The following TMEM132B variants were observed in gnomAD, a reference collection of about 807,000 sequenced individuals.
TMEM132B encodes transmembrane protein 132B.
Under a neutral mutation model 90.8 loss-of-function variants are expected in TMEM132B, and 18 were observed. The ratio of observed to expected loss-of-function variants is 0.20; its 90% CI spans 0.14 to 0.29. TMEM132B has a LOEUF of 0.29. Ranked by LOEUF, TMEM132B falls within the 10% of genes least tolerant of loss-of-function variation. TMEM132B has a pLI of 1.00. For synonymous variants in TMEM132B, 504 were observed against 523.3 expected (o/e 0.96, Z 0.50); for missense variants, 1,096 against 1,326.8 (o/e 0.83, Z 2.70).
At chr12:125,270,031 A>G (rs1052552528) in intron 1 of TMEM132B, among the ~76,000 whole-genome samples, 1 of 143,098 alleles carries the variant, frequency 7.0e-6, no homozygotes, top group African/African-American at 2.6e-5. Context: ...CCTGTCTCTT[A>G]AAAAAAAAAA....
chr12:125,308,172 TTA>T (rs995052716), intron 1 of TMEM132B, among the ~76,000 whole-genome samples: 113 of 136,790 alleles, frequency 8.3e-4, no homozygotes, highest in Middle Eastern at 8.1e-3. Context: ...ATATATATAG[TTA>T]TATATATGTG....
intron 1 of TMEM132B, among the ~76,000 whole-genome samples, chr12:125,307,961 ATT>A (rs1419143042): frequency 1.5e-5 from 2 of 135,732 alleles, no homozygotes; most frequent in South Asian, 4.5e-4. Flanking sequence ...GTATATATAT[ATT>A]AAGTAATATA....
At chr12:125,468,865 A>G (rs1418156433) in intron 3 of TMEM132B, among the ~76,000 whole-genome samples, 2 of 152,156 alleles carry the variant, frequency 1.3e-5, no homozygotes, top group Non-Finnish European at 2.9e-5. Flanking sequence ...TCTATTGTAA[A>G]TGGGATTGTT....
intron 1 of TMEM132B, among the ~76,000 whole-genome samples, chr12:125,295,500 C>CTGTGTG (rs149003076): frequency 1.2e-4 from 17 of 143,524 alleles, no homozygotes; most frequent in African/African-American, 3.2e-4. Flanking sequence ...TCCATGAAAC[C>CTGTGTG]TGTGTGTGTG....
intron 4 of TMEM132B, among the ~76,000 whole-genome samples, chr12:125,567,287 G>T (rs148845570): frequency 5.3e-5 from 8 of 151,912 alleles, no homozygotes; most frequent in Non-Finnish European, 1.2e-4. Flanking sequence ...TCTCTCTCTC[G>T]CTGTCATTCT....
At chr12:125,337,692 TC>T (rs1159339470) in intron 1 of TMEM132B, among the ~76,000 whole-genome samples, 1 of 152,178 alleles carries the variant, frequency 6.6e-6, no homozygotes, top group Non-Finnish European at 1.5e-5. Context: ...AAGGGTGTTC[TC>T]CCCTCATCCA....
chr12:125,506,121 T>C (rs1288957803), intron 3 of TMEM132B, among the ~76,000 whole-genome samples: 1 of 152,216 alleles, frequency 6.6e-6, no homozygotes, highest in Non-Finnish European at 1.5e-5. Flanking sequence ...AGAACTCAAG[T>C]GTGCATTAAC....
intron 1 of TMEM132B, among the ~76,000 whole-genome samples, chr12:125,226,233 G>A (rs58387947): frequency 6.6e-6 from 1 of 152,278 alleles, no homozygotes; most frequent in East Asian, 1.9e-4. Flanking sequence ...TTGTGACAGA[G>A]CAAATAAAGG....
At chr12:125,486,322 C>G (rs1183271908) in intron 3 of TMEM132B, among the ~76,000 whole-genome samples, 1 of 152,060 alleles carries the variant, frequency 6.6e-6, no homozygotes, top group Non-Finnish European at 1.5e-5. Flanking sequence ...TTGTTAGTGC[C>G]TTATTACATG....
chr12:125,558,761 A>G (rs967987934), intron 4 of TMEM132B, among the ~76,000 whole-genome samples: 4 of 152,198 alleles, frequency 2.6e-5, no homozygotes, highest in Admixed American at 6.5e-5. Flanking sequence ...TGATGTATTA[A>G]TTAAGCTATC....
intron 2 of TMEM132B, among the ~76,000 whole-genome samples, chr12:125,388,288 G>A (rs1878905190): frequency 6.6e-6 from 1 of 152,086 alleles, no homozygotes; most frequent in Non-Finnish European, 1.5e-5. Flanking sequence ...AAGTAGCTGG[G>A]CGTGGTGGTG....
chr12:125,468,672 G>T (rs1881634113), intron 3 of TMEM132B, among the ~76,000 whole-genome samples: 1 of 152,166 alleles, frequency 6.6e-6, no homozygotes, highest in South Asian at 2.1e-4. Context: ...TTTTGAACTT[G>T]TAGATTGTTT....
At chr12:125,577,074 T>C (rs902974880) in intron 4 of TMEM132B, among the ~76,000 whole-genome samples, 1 of 151,954 alleles carries the variant, frequency 6.6e-6, no homozygotes, top group Non-Finnish European at 1.5e-5. Flanking sequence ...TACTCTTTCT[T>C]CAATCTTTTG....
chr12:125,654,529 C>T lies in TMEM132B; in HGVS notation c.3071C>T (p.Pro1024Leu). Residue 1024 changes from proline (P) to leucine (L), a missense_variant, in exon 9 of 9, where the codon CCA (proline) becomes CTA (leucine). By Grantham distance (98) the Pro-to-Leu change is moderately conservative. Transcript: ENST00000682704. The surrounding 1 kb of genome is among the most constrained non-coding windows in gnomAD (Gnocchi z 5.8). ...IKNEPMNSSGPKRKRVKFTSY... is the reference protein window; with the variant it reads ...IKNEPMNSSGLKRKRVKFTSY... ...AATGAACCTATGAATTCTTCGGGCC[C>T]AAAGAGGAAGAGAGTCAAGTTCACT... 1 of 1,614,068 alleles carries T rather than the reference C, an allele frequency of 6.2e-7. No homozygotes were observed. Among genetic ancestry groups the T allele is most frequent in the Non-Finnish European group, 8.5e-7 (1 of 1,180,026 alleles).
chr12:125,274,880 G>C (rs754792242), intron 1 of TMEM132B, among the ~76,000 whole-genome samples: 1 of 152,048 alleles, frequency 6.6e-6, no homozygotes, highest in Non-Finnish European at 1.5e-5. Context: ...CTATGATGAC[G>C]CTACTGCATT....
rs532172866 is a variant in TMEM132B at position 125,284,625 on chromosome 12, A to G, written c.68-64827A>G. On this transcript the variant is annotated intron_variant, in intron 1 of 8. Coordinates refer to ENST00000682704, the MANE Select transcript of TMEM132B (RefSeq NM_001366854.1). ...TTTCATTTCATCACGTGGATATACC[A>G]TAGTTTCTTTTGCCAGTATCTGGTG... Among the ~76,000 whole-genome samples, 99 of 152,298 alleles carry G rather than the reference A, an allele frequency of 6.5e-4. No individual in the cohort carries two copies. The Middle Eastern group carries it at 0.014, about 21-fold the overall frequency.
intron 3 of TMEM132B, among the ~76,000 whole-genome samples, chr12:125,470,931 C>A (rs1881701018): frequency 1.3e-5 from 2 of 152,248 alleles, no homozygotes; most frequent in Admixed American, 1.3e-4. Context: ...GGGAGAAAGA[C>A]CCCCTTGGCC....
intron 5 of TMEM132B, among the ~76,000 whole-genome samples, chr12:125,630,931 A>G (rs1886355651): frequency 6.6e-6 from 1 of 152,038 alleles, no homozygotes. Flanking sequence ...CATTCTTAGA[A>G]AAAAACAACT....
rs1191305915 is a variant in TMEM132B at position 125,660,585 on chromosome 12, G to A, written c.*5875G>A. ...AAAAGCGCAGAAACATTTTCATCTG[G>A]GTTACTGTGTTTATAGACTATTCTA... On this transcript the variant is annotated 3_prime_UTR_variant, in exon 9 of 9. Coordinates refer to ENST00000682704, the MANE Select transcript of TMEM132B (RefSeq NM_001366854.1). The A allele has an allele frequency of 1.3e-5, 2 of 151,982 alleles. No individual in the cohort carries two copies. 9.4% of individuals were successfully genotyped at this position (151,982 alleles called of 1,614,324 possible).
Sources: allele counts gnomAD v4.1 joint callset (sites outside exome capture counted in the v4.1 genomes callset), GRCh38; gene constraint gnomAD v4.1.1; non-coding constraint Gnocchi (gnomAD v3.1); transcripts MANE v1.5; gene names NCBI Gene and HGNC (gene_info 2026-07-23, HGNC 2026-07-21).